POLR1A: variants seen among roughly 807,000 people sequenced by gnomAD.
The protein encoded by POLR1A is DNA-directed RNA polymerase I subunit RPA1.
POLR1A carries 84 observed loss-of-function variants against 205.3 expected under a neutral mutation model. That is an observed-to-expected ratio of 0.41 (90% CI 0.34 to 0.49). The LOEUF is 0.49. POLR1A is among the 20% of genes least tolerant of loss of function. The pLI is 0.22. For synonymous variants in POLR1A, 799 were observed against 863.7 expected (o/e 0.93, Z 1.31); for missense variants, 1,645 against 2,204.5 (o/e 0.75, Z 5.08).
Position 86,039,398 on chromosome 2 carries a change from G to A in POLR1A, c.3805C>T (p.Leu1269Phe), listed in dbSNP as rs373510358. The stretch of plus-strand genomic sequence containing the variant: ...CTCTTCAGGGCTTTCTTGGTGTTGA[G>A]CACGGGCACGCTCATCATGGGTGTC... ...IKTPMMSVPV[L>F]NTKKALKRVK... The change falls in exon 26 of 34, where the codon CTC (leucine) becomes TTC (phenylalanine). Residue 1269 changes from leucine to phenylalanine, a missense_variant. By Grantham distance (22) the Leu-to-Phe change is conservative. This residue lies in a region of POLR1A where 394 missense variants were observed against 468.5 expected (regional missense o/e 0.84). Transcript: ENST00000263857. 37 of 1,614,006 alleles carry A rather than the reference G, an allele frequency of 2.3e-5. 1 individual carries two copies. In the East Asian group the frequency reaches 6.7e-4, roughly 29 times the overall value.
At position 86,100,216 on chromosome 2, in the gene POLR1A, C is replaced by T. The variant is rs1216087328; in HGVS notation, c.78-44G>A. ...CCAAGAGGAAAGCTAAAGTTACCAA[C>T]CTCTCTGATGTTTCCTTTCCAGCAC... On this transcript the variant is annotated intron_variant, in intron 1 of 33. Coordinates refer to ENST00000263857, the MANE Select transcript of POLR1A (RefSeq NM_015425.6). 6.3e-6 allele frequency: 9 copies of T among 1,432,218 alleles called. No individual in the cohort carries two copies. The South Asian group carries it at 6.9e-5, about 11-fold the overall frequency. 88.7% of individuals were successfully genotyped at this position (1,432,218 alleles called of 1,614,324 possible).
At chr2:86,041,850 T>G in intron 24 of POLR1A, 39 bp downstream of exon 24, 1 of 1,550,712 alleles carries the variant, frequency 6.4e-7, no homozygotes, top group Non-Finnish European at 8.9e-7. Flanking sequence ...AGGAGGCAGA[T>G]TCTCCTGCAC....
At chr2:86,080,319 G>C (rs1165603943) in intron 9 of POLR1A, among the ~76,000 whole-genome samples, 1 of 152,136 alleles carries the variant, frequency 6.6e-6, no homozygotes, top group Non-Finnish European at 1.5e-5. Context: ...GTCCTATTCT[G>C]AGAGGAATTT....
At chr2:86,100,213 C>T in intron 1 of POLR1A, 41 bp from the exon 2 acceptor site, 1 of 1,445,958 alleles carries the variant, frequency 6.9e-7, no homozygotes, top group Non-Finnish European at 9.7e-7. Context: ...CTAAAGTTAC[C>T]AACCTCTCTG....
chr2:86,096,021 C>T (rs957047210), intron 3 of POLR1A, among the ~76,000 whole-genome samples: 1 of 152,046 alleles, frequency 6.6e-6, no homozygotes, highest in African/African-American at 2.4e-5. Flanking sequence ...AGCCACTGCA[C>T]CCAGCCGACA....
rs1227294984 is a variant in POLR1A, at chr2:86,100,042, C to T, written c.208G>A (p.Asp70Asn). ...SKEVCSTCVQDFSNCSGHLGH... is the reference protein window; with the variant it reads ...SKEVCSTCVQNFSNCSGHLGH... The stretch of plus-strand genomic sequence containing the variant: ...AGGTGCCCAGAACAGTTGCTGAAGT[C>T]CTGCACGCAGGTGGAGCACACCTCT... Residue 70 changes from aspartate to asparagine, a missense_variant, in exon 2 of 34, where the codon GAC becomes AAC. This residue lies in a region of POLR1A where 330 missense variants were observed against 375.6 expected (regional missense o/e 0.88). Transcript: ENST00000263857. The T allele has an allele frequency of 6.2e-7, 1 of 1,614,026 alleles. No homozygotes were observed. Among genetic ancestry groups the T allele is most frequent in the African/African-American group, 1.3e-5 (1 of 74,890 alleles).
chr2:86,063,300 AT>A (rs1386783545), intron 14 of POLR1A, among the ~76,000 whole-genome samples: 3 of 122,686 alleles, frequency 2.4e-5, no homozygotes, highest in Non-Finnish European at 4.8e-5. Flanking sequence ...ACACCATTGC[AT>A]TCCAGCCTGG....
chr2:86,048,277 G>C (rs1373829102), intron 18 of POLR1A, among the ~76,000 whole-genome samples: 1 of 152,252 alleles, frequency 6.6e-6, no homozygotes, highest in Non-Finnish European at 1.5e-5. Context: ...CAGAAAGGCA[G>C]AGAAAAGCAG....
chr2:86,096,757 C>T (rs1428411466), intron 3 of POLR1A, among the ~76,000 whole-genome samples: 2 of 152,114 alleles, frequency 1.3e-5, no homozygotes, highest in Non-Finnish European at 2.9e-5. Context: ...CACTGCTCCC[C>T]TCTACAAAAG....
At chr2:86,062,613 A>G (rs1243713778) in intron 14 of POLR1A, among the ~76,000 whole-genome samples, 2 of 152,154 alleles carry the variant, frequency 1.3e-5, no homozygotes, top group East Asian at 3.8e-4. Context: ...AAAGAAGAAA[A>G]GGGGTCTCAA....
chr2:86,023,154 G>A lies in POLR1A; in HGVS notation c.*4269C>T, dbSNP rs1690182202. 1 of 152,220 alleles carries A rather than the reference G, an allele frequency of 6.6e-6. No homozygotes were observed. Among genetic ancestry groups the A allele is most frequent in the Non-Finnish European group, 1.5e-5 (1 of 68,046 alleles). 9.4% of individuals were successfully genotyped at this position (152,220 alleles called of 1,614,324 possible). A position where few individuals can be genotyped will look rare whatever the true frequency, so the allele number is the denominator to read the frequency against. On this transcript the variant is annotated 3_prime_UTR_variant, in exon 34 of 34. Coordinates refer to ENST00000263857, the MANE Select transcript of POLR1A (RefSeq NM_015425.6). ...GGAGGTTGATGGTGTAGGAACTTTG[G>A]AATTTTTGACTGTAGCTATTTTGGT...
chr2:86,096,405 T>A (rs1673703530), intron 3 of POLR1A, among the ~76,000 whole-genome samples: 2 of 151,660 alleles, frequency 1.3e-5, no homozygotes. Flanking sequence ...TGACATTCTT[T>A]GCAGAAACAG....
chr2:86,051,731 A>G (rs1023368181), intron 16 of POLR1A, among the ~76,000 whole-genome samples: 1 of 152,244 alleles, frequency 6.6e-6, no homozygotes, highest in Admixed American at 6.5e-5. Flanking sequence ...TCTGATCTCA[A>G]GCCCACACTA....
chr2:86,044,004 TC>T, intron 22 of POLR1A, 134 bp downstream of exon 22: 1 of 739,208 alleles, frequency 1.4e-6, no homozygotes, highest in Non-Finnish European at 2.2e-6. Flanking sequence ...CTGACCGGTG[TC>T]TTATAAACCC....
rs1573802045 is a variant in POLR1A, at chr2:86,033,597, C to T, written c.4161+64G>A. ...GCTGGAGGAGCACAGAGAATAGGCACAGAGCCTGCCCAGTCTGGGGGCTGT... is the reference window on the plus strand; with the variant it reads ...GCTGGAGGAGCACAGAGAATAGGCATAGAGCCTGCCCAGTCTGGGGGCTGT... On this transcript the variant is annotated intron_variant, in intron 28 of 33. Coordinates refer to ENST00000263857, the MANE Select transcript of POLR1A (RefSeq NM_015425.6). The T allele has an allele frequency of 7.0e-6, 11 of 1,571,256 alleles. No individual in the cohort carries two copies. In the East Asian group the frequency reaches 2.5e-4, roughly 35 times the overall value.
Position 86,071,517 on chromosome 2 carries a change from A to T in POLR1A, c.1612-1245T>A, listed in dbSNP as rs556379007. ...AGTATGTGATGCTTCTGTAAATTTT[A>T]AAAAAGGTCTTCACTTATTTTTAAA... On this transcript the variant is annotated intron_variant, in intron 12 of 33. Coordinates refer to ENST00000263857, the MANE Select transcript of POLR1A (RefSeq NM_015425.6). 1.6e-4 allele frequency among the ~76,000 whole-genome samples: 25 copies of T among 152,326 alleles called. 1 individual carries two copies. In the South Asian group the frequency reaches 5.2e-3, roughly 32 times the overall value.
At chr2:86,027,762 G>A (rs1335084187) in intron 33 of POLR1A, 123 bp downstream of exon 33, 16 of 1,148,794 alleles carry the variant, frequency 1.4e-5, no homozygotes, top group South Asian at 4.2e-5. Context: ...AGCCGCCCCC[G>A]CTCCCCTCAG....
At chr2:86,085,575 T>C (rs1176357413) in intron 6 of POLR1A, among the ~76,000 whole-genome samples, 1 of 152,162 alleles carries the variant, frequency 6.6e-6, no homozygotes, top group African/African-American at 2.4e-5. Flanking sequence ...ACTAAATAGG[T>C]TGGAAATGCT....
At position 86,028,804 on chromosome 2, in the gene POLR1A, G is replaced by T. The variant is rs1672322559; in HGVS notation, c.4780-93C>A. ...CCCCCTGGCCGCTCTCTCTCTCCTTGTGTCTGGCAGCTCGGTACAGCTGAT... is the reference window on the plus strand; with the variant it reads ...CCCCCTGGCCGCTCTCTCTCTCCTTTTGTCTGGCAGCTCGGTACAGCTGAT... On this transcript the variant is annotated intron_variant, in intron 31 of 33. Transcript: ENST00000263857. The surrounding 1 kb of genome is among the most constrained non-coding windows in gnomAD (Gnocchi z 4.5). 8.1e-6 allele frequency: 7 copies of T among 869,460 alleles called. No homozygotes were observed. The highest frequency in any genetic ancestry group is 9.5e-6 in the Non-Finnish European group (5 of 528,584). The allele number at this position is 869,460 out of a possible 1,614,324, so 53.9% of individuals were successfully genotyped here. A position where few individuals can be genotyped will look rare whatever the true frequency, so the allele number is the denominator to read the frequency against.
Sources: gnomAD v4.1 joint callset for allele counts (sites outside exome capture counted in the v4.1 genomes callset) on GRCh38, gnomAD v4.1.1 for gene constraint, gnomAD v4.1.1 regional missense constraint, Gnocchi (gnomAD v3.1) non-coding constraint, MANE v1.5 for transcripts, NCBI Gene and HGNC (gene_info 2026-07-23, HGNC 2026-07-21) for gene names.